The following LIMS1 variants were observed in gnomAD, a reference collection of about 807,000 sequenced individuals.
The protein encoded by LIMS1 is LIM and senescent cell antigen-like-containing domain protein 1.
A neutral mutation model predicts 44.1 loss-of-function variants in LIMS1; 18 were observed. The ratio of observed to expected loss-of-function variants is 0.41; its 90% CI spans 0.28 to 0.61. The LOEUF (loss-of-function observed/expected upper bound fraction) is 0.61. Ranked by LOEUF, LIMS1 falls within the 20% of genes least tolerant of loss-of-function variation. The pLI is 0.32. For synonymous variants in LIMS1, 93 were observed against 149.1 expected (o/e 0.62, Z 2.74); for missense variants, 201 against 422.0 (o/e 0.48, Z 4.59).
chr2:108,669,206 G>A (rs1225905616), intron 2 of LIMS1, among the ~76,000 whole-genome samples: 3 of 152,012 alleles, frequency 2.0e-5, no homozygotes, highest in East Asian at 1.9e-4. Context: ...TCAGGAGTTC[G>A]AGACCAGCCT....
intron 1 of LIMS1, among the ~76,000 whole-genome samples, chr2:108,568,177 T>G (rs1418939449): frequency 6.6e-6 from 1 of 152,210 alleles, no homozygotes; most frequent in African/African-American, 2.4e-5. Context: ...TGCAGAAAAA[T>G]TGGTTTCATT....
At chr2:108,618,823 CAA>C (rs36086497) in intron 1 of LIMS1, among the ~76,000 whole-genome samples, 4,761 of 85,620 alleles carry the variant, frequency 0.056, 78 homozygotes, top group African/African-American at 0.083. Flanking sequence ...GACTCCGTCT[CAA>C]AAAAAAAAAA....
At chr2:108,608,634 A>G (rs1302831246) in intron 1 of LIMS1, among the ~76,000 whole-genome samples, 1 of 152,182 alleles carries the variant, frequency 6.6e-6, no homozygotes, top group African/African-American at 2.4e-5. Flanking sequence ...TTATTTGTGT[A>G]GATGTGTGCT....
At chr2:108,557,387 A>G (rs1684961565) in intron 1 of LIMS1, among the ~76,000 whole-genome samples, 2 of 149,336 alleles carry the variant, frequency 1.3e-5, no homozygotes, top group South Asian at 4.3e-4. Context: ...TTTTTTTCTT[A>G]AGACTATAGA....
At chr2:108,619,573 A>C (rs1300559847) in intron 1 of LIMS1, among the ~76,000 whole-genome samples, 1 of 152,110 alleles carries the variant, frequency 6.6e-6, no homozygotes, top group African/African-American at 2.4e-5. Flanking sequence ...AATCCCAGCT[A>C]CTGGGGAGGC....
At chr2:108,654,024 A>T (rs1381676200) in intron 1 of LIMS1, among the ~76,000 whole-genome samples, 1 of 118,474 alleles carries the variant, frequency 8.4e-6, no homozygotes, top group African/African-American at 2.7e-5. Context: ...CCTCAAAGGG[A>T]TGACTTTGAG....
At chr2:108,677,884 A>G (rs544050572) in intron 7 of LIMS1, 95 bp from the exon 8 acceptor site, 5 of 1,522,888 alleles carry the variant, frequency 3.3e-6, no homozygotes, top group African/African-American at 1.4e-5. Flanking sequence ...TAGTAGTGAT[A>G]AATCCTCAAT....
intron 5 of LIMS1, among the ~76,000 whole-genome samples, chr2:108,674,892 T>A (rs991485263): frequency 6.6e-6 from 1 of 150,956 alleles, no homozygotes; most frequent in African/African-American, 2.4e-5. Context: ...CCTAGAGAAT[T>A]ACATAAAAGG....
intron 2 of LIMS1, chr2:108,662,574 G>A (rs999058583): frequency 2.9e-5 from 34 of 1,161,584 alleles, no homozygotes; most frequent in Non-Finnish European, 3.6e-5. Flanking sequence ...AACCAGCCCA[G>A]GGATGTGTAA....
intron 8 of LIMS1, 30 bp downstream of exon 8, chr2:108,678,057 G>A (rs1470824413): frequency 6.2e-7 from 1 of 1,608,070 alleles, no homozygotes; most frequent in South Asian, 1.1e-5. Context: ...TTAGATTGGT[G>A]CCACTTTGAC....
At chr2:108,681,410 A>G (rs1474909622) in intron 9 of LIMS1, 3 of 974,230 alleles carry the variant, frequency 3.1e-6, no homozygotes, top group Non-Finnish European at 3.7e-6. Context: ...TAAACACCAT[A>G]TAGTATACAT....
chr2:108,538,892 T>TA (rs1684225586), intron 1 of LIMS1, among the ~76,000 whole-genome samples: 1 of 152,216 alleles, frequency 6.6e-6, no homozygotes, highest in Admixed American at 6.5e-5. Context: ...ATTGCTTTTT[T>TA]ACTTCAACAA....
In LIMS1 at chr2:108,674,155, G is replaced by A. The variant is rs533166553; in HGVS notation, c.530+1126G>A. Among the ~76,000 whole-genome samples, 293 of 145,584 alleles carry A rather than the reference G, an allele frequency of 2.0e-3. 3 individuals are homozygous for A. Among genetic ancestry groups the A allele is most frequent in the African/African-American group, 6.9e-3 (273 of 39,490 alleles). ...ATCCTGGCTAACACGGTGAAACCCC[G>A]TCTCTACTAAAAAATACAAAAAAAA... On this transcript the variant is annotated intron_variant, in intron 5 of 9. Coordinates refer to ENST00000544547, the Ensembl canonical transcript of LIMS1.
chr2:108,600,921 C>CTGTTG (rs1158876563), intron 1 of LIMS1, among the ~76,000 whole-genome samples: 2,723 of 151,684 alleles, frequency 0.018, 47 homozygotes, highest in African/African-American at 0.039. Context: ...CTCTTCTCTT[C>CTGTTG]TCTTCTCTTC....
At chr2:108,647,527 G>A (rs1228156143) in intron 1 of LIMS1, among the ~76,000 whole-genome samples, 2 of 152,108 alleles carry the variant, frequency 1.3e-5, no homozygotes, top group African/African-American at 4.8e-5. Context: ...AAAATTTCAG[G>A]CCAATATCCC....
chr2:108,591,626 A>T (rs1686399405), intron 1 of LIMS1, among the ~76,000 whole-genome samples: 2 of 151,738 alleles, frequency 1.3e-5, no homozygotes, highest in African/African-American at 4.8e-5. Flanking sequence ...TGCCTGGCTA[A>T]TTTTTAAAAT....
chr2:108,576,264 AGTTTTGTTTT>A lies in LIMS1; in HGVS notation c.32+41689_32+41698del, dbSNP rs10628741. On this transcript the variant is annotated intron_variant, in intron 1 of 9. Transcript: ENST00000544547. ...GTACCAGTTATGGGTCAACTAAGCA[AGTTTTGTTTT>A]GTTTTGTTTTGTTTTGTTGAGACAG... Among the ~76,000 whole-genome samples the A allele has an allele frequency of 6.8e-3, 1,030 of 152,098 alleles. 3 individuals are homozygous for A. Among genetic ancestry groups the A allele is most frequent in the Admixed American group, 0.02 (298 of 15,272 alleles).
At chr2:108,534,777 A>T (rs1184756111) in intron 1 of LIMS1, among the ~76,000 whole-genome samples, 183 bp downstream of exon 1, 1 of 151,618 alleles carries the variant, frequency 6.6e-6, no homozygotes, top group Non-Finnish European at 1.5e-5. Context: ...GGGCCCGCGG[A>T]GGAGACGGCT....
chr2:108,561,690 A>C (rs1685124370), intron 1 of LIMS1, among the ~76,000 whole-genome samples: 1 of 149,622 alleles, frequency 6.7e-6, no homozygotes, highest in Non-Finnish European at 1.5e-5. Context: ...AATATTTCAA[A>C]CTTCTTTGTT....
Sources: gnomAD v4.1 joint callset for allele counts (sites outside exome capture counted in the v4.1 genomes callset) on GRCh38, gnomAD v4.1.1 for gene constraint, MANE v1.5 for transcripts, NCBI Gene and HGNC (gene_info 2026-07-23, HGNC 2026-07-21) for gene names.